Variants in STYK1 observed in about 807,000 individuals in gnomAD.
STYK1 encodes the protein tyrosine-protein kinase STYK1.
A neutral mutation model predicts 48.1 loss-of-function variants in STYK1; 46 were observed. The observed-to-expected ratio is 0.96, with a 90% CI of 0.75 to 1.22. STYK1 has a LOEUF of 1.22. Among genes scored for constraint, STYK1 ranks in the 50% most tolerant of loss-of-function variants. STYK1 has a pLI of 0.00. For synonymous variants in STYK1, 188 were observed against 189.0 expected (o/e 0.99, Z 0.04); for missense variants, 527 against 521.1 (o/e 1.01, Z -0.11).
chr12:10,656,682 C>T (rs529120716), intron 1 of STYK1, among the ~76,000 whole-genome samples: 3 of 152,206 alleles, frequency 2.0e-5, no homozygotes, highest in Non-Finnish European at 2.9e-5. Context: ...TGTTTTTCTC[C>T]GTTTTATCTT....
At chr12:10,665,996 C>T (rs1168010193) in intron 1 of STYK1, among the ~76,000 whole-genome samples, 3 of 152,190 alleles carry the variant, frequency 2.0e-5, no homozygotes, top group African/African-American at 7.2e-5. Context: ...CAATTTTCAG[C>T]ATTCCGTTTG....
At chr12:10,657,860 T>A (rs988716422) in intron 1 of STYK1, among the ~76,000 whole-genome samples, 1 of 152,236 alleles carries the variant, frequency 6.6e-6, no homozygotes, top group Non-Finnish European at 1.5e-5. Context: ...TTGAGACTAC[T>A]GGAAAAACAG....
At chr12:10,644,760 G>A (rs980145688) in intron 1 of STYK1, among the ~76,000 whole-genome samples, 1 of 152,096 alleles carries the variant, frequency 6.6e-6, no homozygotes, top group Non-Finnish European at 1.5e-5. Flanking sequence ...GAGATGATGA[G>A]TTGTTCTGGA....
At chr12:10,630,293 G>A (rs1331689624) in intron 5 of STYK1, among the ~76,000 whole-genome samples, 2 of 147,926 alleles carry the variant, frequency 1.4e-5, no homozygotes, top group Non-Finnish European at 1.5e-5. Context: ...GGCTGAGGCA[G>A]GAGAATCACT....
rs144222603 is a variant in STYK1, at chr12:10,639,993, T to C, written c.-194-2797A>G. ...TCCATATAGGAACCTCATAGGGACA[T>C]AGATGACATCTGCATGTCTGTCTTT... On this transcript the variant is annotated intron_variant, in intron 1 of 10. Coordinates refer to ENST00000075503, the MANE Select transcript of STYK1 (RefSeq NM_018423.3). Among the ~76,000 whole-genome samples the C allele has an allele frequency of 1.5e-3, 227 of 151,916 alleles. 1 individual carries two copies. Among genetic ancestry groups the C allele is most frequent in the African/African-American group, 5.2e-3 (215 of 41,552 alleles).
At chr12:10,654,458 C>T (rs185305933) in intron 1 of STYK1, among the ~76,000 whole-genome samples, 37 of 152,274 alleles carry the variant, frequency 2.4e-4, no homozygotes, top group Non-Finnish European at 4.7e-4. Context: ...TTTCCAATAA[C>T]ATCTTCCTGG....
intron 1 of STYK1, among the ~76,000 whole-genome samples, chr12:10,663,620 AAAAAAAAAAAAAAAAAATC>A (rs2120802379): frequency 6.7e-6 from 1 of 149,380 alleles, no homozygotes; most frequent in African/African-American, 2.5e-5. Flanking sequence ...AAAAAAAAAA[AAAAAAAAAAAAAAAAAATC>A]ATTAAGTGTG....
chr12:10,667,623 C>T (rs1947846983), intron 1 of STYK1, among the ~76,000 whole-genome samples: 1 of 152,088 alleles, frequency 6.6e-6, no homozygotes. Flanking sequence ...GAGTAAGACT[C>T]CATCTCAAAA....
intron 1 of STYK1, among the ~76,000 whole-genome samples, chr12:10,670,866 A>T (rs1269691019): frequency 6.7e-6 from 1 of 149,792 alleles, no homozygotes; most frequent in African/African-American, 2.4e-5. Context: ...TTTTAATTAA[A>T]CATAAATTTT....
Position 10,634,008 on chromosome 12 carries a change from G to C in STYK1, c.169C>G (p.Gln57Glu). 1 of 1,614,072 alleles carries C rather than the reference G, an allele frequency of 6.2e-7. No individual in the cohort carries two copies. The highest frequency in any genetic ancestry group is 8.5e-7 in the Non-Finnish European group (1 of 1,180,004). The change falls in exon 4 of 11, where the codon CAG (glutamine) becomes GAG (glutamate). Residue 57 changes from glutamine (Q) to glutamate (E), a missense_variant. Physicochemically the swap from Gln to Glu is conservative, Grantham distance 29. Coordinates refer to ENST00000075503, the MANE Select transcript of STYK1 (RefSeq NM_018423.3). ...LFIREQRTQQQRSGPQGIAPV... is the reference protein window; with the variant it reads ...LFIREQRTQQERSGPQGIAPV... ...GCTTTACCTTGAGGTCCAGAACGCTGCTGTTGAGTTCTTTGTTCTCTGATA... is the reference window on the plus strand; with the variant it reads ...GCTTTACCTTGAGGTCCAGAACGCTCCTGTTGAGTTCTTTGTTCTCTGATA...
chr12:10,649,309 T>C (rs1947634330), intron 1 of STYK1, among the ~76,000 whole-genome samples: 1 of 151,986 alleles, frequency 6.6e-6, no homozygotes, highest in Non-Finnish European at 1.5e-5. Flanking sequence ...TGGAAAAAAA[T>C]TAAAAATAGA....
intron 9 of STYK1, among the ~76,000 whole-genome samples, 185 bp downstream of exon 9, chr12:10,622,453 G>C (rs1055772262): frequency 2.6e-5 from 4 of 152,132 alleles, no homozygotes; most frequent in Non-Finnish European, 5.9e-5. Context: ...GAAGGGACTG[G>C]GGCAAGGAGA....
At chr12:10,645,709 T>A (rs915397067) in intron 1 of STYK1, among the ~76,000 whole-genome samples, 2 of 152,162 alleles carry the variant, frequency 1.3e-5, no homozygotes, top group South Asian at 4.1e-4. Context: ...GAGGCATTTT[T>A]AAAAAATATC....
intron 1 of STYK1, among the ~76,000 whole-genome samples, chr12:10,644,371 G>A (rs1465505822): frequency 6.6e-6 from 1 of 152,130 alleles, no homozygotes; most frequent in Non-Finnish European, 1.5e-5. Flanking sequence ...CTACATTCTA[G>A]TTCATTATAC....
chr12:10,626,880 G>A (rs374808029), intron 7 of STYK1, among the ~76,000 whole-genome samples: 4 of 152,204 alleles, frequency 2.6e-5, no homozygotes, highest in Non-Finnish European at 4.4e-5. Flanking sequence ...GGTGGTGGGC[G>A]CCTGTGGTCC....
rs375578733 is a variant in STYK1, at chr12:10,624,646, C to T, written c.926+5G>A. On this transcript the variant is annotated splice_donor_5th_base_variant and intron_variant, in intron 8 of 10. Transcript: ENST00000075503. Reference sequence around the variant, plus strand: ...GTAAACTCAGAGTCCAGGAATAAACCGTACACATCTGCTCTGATGCTAGCA... The same window carrying T: ...GTAAACTCAGAGTCCAGGAATAAACTGTACACATCTGCTCTGATGCTAGCA... 17 of 1,613,266 alleles carry T rather than the reference C, an allele frequency of 1.1e-5. No homozygotes were observed. In the East Asian group the frequency reaches 1.6e-4, roughly 15 times the overall value.
intron 1 of STYK1, among the ~76,000 whole-genome samples, chr12:10,648,828 A>C (rs940778670): frequency 3.3e-5 from 5 of 152,078 alleles, no homozygotes; most frequent in Non-Finnish European, 7.4e-5. Context: ...CAGCCTCCCA[A>C]AGTGCTGAGG....
chr12:10,638,443 G>A lies in STYK1; in HGVS notation c.-194-1247C>T, dbSNP rs994061009. Among the ~76,000 whole-genome samples the A allele has an allele frequency of 6.0e-4, 91 of 152,270 alleles. 1 individual carries two copies. The highest frequency in any genetic ancestry group is 2.1e-3 in the African/African-American group (88 of 41,556). On this transcript the variant is annotated intron_variant, in intron 1 of 10. Transcript: ENST00000075503. ...GAATGAAAGTGAAATGAGGAGTAAA[G>A]TCCATGCTAAATCTTTACAAGACTA...
intron 2 of STYK1, among the ~76,000 whole-genome samples, chr12:10,635,626 A>C (rs1227529149): frequency 6.6e-6 from 1 of 152,232 alleles, no homozygotes; most frequent in Non-Finnish European, 1.5e-5. Flanking sequence ...GTAAAATTGT[A>C]TAGCATAAAA....
Sources: allele counts gnomAD v4.1 joint callset (sites outside exome capture counted in the v4.1 genomes callset), GRCh38; gene constraint gnomAD v4.1.1; transcripts MANE v1.5; gene names NCBI Gene and HGNC (gene_info 2026-07-23, HGNC 2026-07-21).